LAMA5: variants seen among roughly 807,000 people sequenced by gnomAD.
The protein encoded by LAMA5 is laminin subunit alpha-5.
A neutral mutation model predicts 433.4 loss-of-function variants in LAMA5; 260 were observed. That is an observed-to-expected ratio of 0.60 (90% CI 0.54 to 0.66). The LOEUF (loss-of-function observed/expected upper bound fraction) is 0.66, where lower values mean the gene tolerates loss of function less well. Among genes scored for constraint, LAMA5 ranks in the 30% least tolerant of loss-of-function variants. The probability of loss-of-function intolerance (pLI) is 0.00; values close to 1 mark genes in which losing one functional copy is unlikely to be tolerated. For synonymous variants in LAMA5, 2,620 were observed against 2,226.6 expected, an observed-to-expected ratio of 1.18 and a Z score of -4.97; for missense variants, 5,378 against 5,258.5, an observed-to-expected ratio of 1.02 and a Z score of -0.70.
intron 48 of LAMA5, among the ~76,000 whole-genome samples, chr20:62,321,716 AGGGG>A (rs1987818797): frequency 3.6e-5 from 1 of 27,804 alleles, no homozygotes; most frequent in Non-Finnish European, 6.7e-5. Flanking sequence ...GGGCCAGCAG[AGGGG>A]TGGGGTCAGT....
At chr20:62,320,493 A>G in intron 50 of LAMA5, 66 bp downstream of exon 50, 1 of 1,242,300 alleles carries the variant, frequency 8.0e-7, no homozygotes, top group Non-Finnish European at 1.1e-6. Context: ...CTGAATGAGG[A>G]CAAGCGAACC....
At position 62,351,778 on chromosome 20, in the gene LAMA5, G is replaced by A; in HGVS notation, c.882C>T (p.Ile294=). ...GGCAGACACAGCGGCCTCCGATGCTGATATCCTTGATGCTGTAATAATACT... is the reference window on the plus strand; with the variant it reads ...GGCAGACACAGCGGCCTCCGATGCTAATATCCTTGATGCTGTAATAATACT... ...TRRYYYSIKD[I]SIGGRCVCHG... Residue 294 remains isoleucine (I), a synonymous_variant, in exon 6 of 80, where the codon ATC becomes ATT. Transcript: ENST00000252999. 6.2e-7 allele frequency: 1 copy of A among 1,610,010 alleles called. No homozygotes were observed. Among genetic ancestry groups the A allele is most frequent in the Non-Finnish European group, 8.5e-7 (1 of 1,179,256 alleles).
At chr20:62,348,619 A>C (rs1601399806) in intron 6 of LAMA5, among the ~76,000 whole-genome samples, 1 of 152,136 alleles carries the variant, frequency 6.6e-6, no homozygotes, top group South Asian at 2.1e-4. Context: ...AAAAGAATAA[A>C]ATAAAATAAA....
chr20:62,327,828 G>A (rs200570637), intron 36 of LAMA5, 38 bp downstream of exon 36: 25 of 1,585,906 alleles, frequency 1.6e-5, no homozygotes, highest in Non-Finnish European at 2.1e-5. Flanking sequence ...TGATGAGGCC[G>A]GAGGGAGAGG....
Position 62,314,413 on chromosome 20 carries a change from G to A in LAMA5, c.8395C>T (p.Leu2799=), listed in dbSNP as rs1160564158. 4 of 1,613,490 alleles carry A rather than the reference G, an allele frequency of 2.5e-6. No homozygotes were observed. The highest frequency in any genetic ancestry group is 3.4e-6 in the Non-Finnish European group (4 of 1,179,938). ...ACCCAGTGCACCTTCTTGTCACGCA[G>A]AGACACACCCATGTAGTCCCCAGTG... is the stretch of plus-strand genomic sequence containing the variant. The part of the protein sequence containing the change: ...QATGDYMGVS[L]RDKKVHWVYQ... Residue 2799 remains leucine, a synonymous_variant, in exon 62 of 80, where the codon CTG becomes TTG. Transcript: ENST00000252999.
At position 62,328,229 on chromosome 20, in the gene LAMA5, C is replaced by G; in HGVS notation, c.4652+12G>C. 1.3e-6 allele frequency: 2 copies of G among 1,593,624 alleles called. No homozygotes were observed. The highest frequency in any genetic ancestry group is 1.7e-6 in the Non-Finnish European group (2 of 1,169,744). ...CACCAGGGGCCGCGCTGACGCCGCT[C>G]TGGGCTCTCACTTGCACTGGCCGCT... On this transcript the variant is annotated intron_variant, in intron 35 of 79. Transcript: ENST00000252999.
At chr20:62,340,777 G>A (rs1420202099) in intron 11 of LAMA5, among the ~76,000 whole-genome samples, 3 of 151,952 alleles carry the variant, frequency 2.0e-5, no homozygotes, top group Non-Finnish European at 4.4e-5. Context: ...GCTCATGCCT[G>A]TAATCCTAGC....
At chr20:62,323,723 A>G in intron 44 of LAMA5, 53 bp from the exon 45 acceptor site, 1 of 1,595,988 alleles carries the variant, frequency 6.3e-7, no homozygotes, top group South Asian at 1.1e-5. Flanking sequence ...CCACCCTCGC[A>G]TATCCTGGGG....
chr20:62,309,697 T>C lies in LAMA5; in HGVS notation c.10948+19A>G. 6.7e-7 allele frequency: 1 copy of C among 1,485,090 alleles called. No homozygotes were observed. The highest frequency in any genetic ancestry group is 9.0e-7 in the Non-Finnish European group (1 of 1,112,822). 92.0% of individuals were successfully genotyped at this position (1,485,090 alleles called of 1,614,324 possible). A position where few individuals can be genotyped will look rare whatever the true frequency, so the allele number is the denominator to read the frequency against. ...TCCTGAGGGGCAGCTCCCCCACCCT[T>C]GATCAAGGCCGCACTCACCAGGCAG... is the stretch of plus-strand genomic sequence containing the variant. On this transcript the variant is annotated intron_variant, in intron 79 of 79. Coordinates refer to ENST00000252999, the MANE Select transcript of LAMA5 (RefSeq NM_005560.6).
intron 48 of LAMA5, 136 bp from the exon 49 acceptor site, chr20:62,321,026 G>T: frequency 1.1e-6 from 1 of 929,478 alleles, no homozygotes; most frequent in Non-Finnish European, 1.6e-6. Context: ...CACAGGACCT[G>T]TGGGGAGGTC....
At chr20:62,365,383 G>A (rs961960214) in intron 1 of LAMA5, among the ~76,000 whole-genome samples, 2 of 152,236 alleles carry the variant, frequency 1.3e-5, no homozygotes, top group Non-Finnish European at 2.9e-5. Flanking sequence ...CTGAGGCAGA[G>A]GAGAGGGGCG....
At chr20:62,335,327 C>T (rs989683805) in intron 18 of LAMA5, 58 bp from the exon 19 acceptor site, 83 of 1,580,572 alleles carry the variant, frequency 5.3e-5, no homozygotes, top group Non-Finnish European at 6.5e-5. Context: ...CTGGCTCCAG[C>T]CCCCCGAGGA....
chr20:62,310,811 T>C lies in LAMA5; in HGVS notation c.10300A>G (p.Lys3434Glu). Reference protein sequence around the residue: ...RWHKVSVRWEKNRILLVTDGA... With the variant: ...RWHKVSVRWEENRILLVTDGA... Reference sequence around the variant, plus strand: ...TCCGTCACCAGCAGGATCCGGTTCTTCTCCCAGCGCACGGAGACCTGGGGG... The same window carrying C: ...TCCGTCACCAGCAGGATCCGGTTCTCCTCCCAGCGCACGGAGACCTGGGGG... Residue 3434 changes from lysine (K) to glutamate (E), a missense_variant, in exon 75 of 80, where the codon AAG (lysine) becomes GAG (glutamate). Physicochemically the swap from Lys to Glu is moderately conservative, Grantham distance 56 (BLOSUM62 1). Coordinates refer to ENST00000252999, the MANE Select transcript of LAMA5 (RefSeq NM_005560.6). The C allele has an allele frequency of 6.4e-7, 1 of 1,555,876 alleles. No individual in the cohort carries two copies. Among genetic ancestry groups the C allele is most frequent in the Non-Finnish European group, 8.7e-7 (1 of 1,150,294 alleles).
rs11696243 is a variant in LAMA5, at chr20:62,323,598, G to C, written c.5922C>G (p.Asn1974Lys). The change falls in exon 45 of 80, where the codon AAC (asparagine) becomes AAG (lysine). Residue 1974 changes from asparagine (N) to lysine (K), a missense_variant. Coordinates refer to ENST00000252999, the MANE Select transcript of LAMA5 (RefSeq NM_005560.6). ...SSCQPCDCSG[N>K]GDPNLLFSDC... ...CGCTGAAGAGCAAGTTGGGGTCACC[G>C]TTGCCGCTGCAGTCGCATGGCTGGC... 13 of 1,610,768 alleles carry C rather than the reference G, an allele frequency of 8.1e-6. No individual in the cohort carries two copies. The highest frequency in any genetic ancestry group is 1.3e-5 in the African/African-American group (1 of 74,900).
chr20:62,322,803 C>A (rs781527393), intron 45 of LAMA5, 45 bp from the exon 46 acceptor site: 167 of 1,280,000 alleles, frequency 1.3e-4, no homozygotes, highest in Non-Finnish European at 1.6e-4. Context: ...CTCTCACCCC[C>A]CCAGGGAGCC....
chr20:62,318,762 C>T, intron 52 of LAMA5, 81 bp downstream of exon 52: 2 of 1,571,696 alleles, frequency 1.3e-6, no homozygotes, highest in Admixed American at 1.8e-5. Context: ...CCACCTGATG[C>T]CACTCCATGC....
chr20:62,357,778 G>T (rs1307984698), intron 2 of LAMA5, among the ~76,000 whole-genome samples: 2 of 152,212 alleles, frequency 1.3e-5, no homozygotes, highest in South Asian at 2.1e-4. Context: ...TGGGCGGGGG[G>T]ACAGGAGCTC....
In LAMA5 at chr20:62,336,772, G is replaced by A. The variant is rs1415355275; in HGVS notation, c.2179C>T (p.Pro727Ser). ...FPYCEAGSCH[P>S]AGLAPVDPAL... ...GGATCCACTGGGGCCAGACCGGCAG[G>A]GTGGCAAGAGCCAGCTGTGAAGAGA... Residue 727 changes from proline (P) to serine (S), a missense_variant, in exon 17 of 80, where the codon CCT (proline) becomes TCT (serine). Transcript: ENST00000252999. The A allele has an allele frequency of 6.2e-7, 1 of 1,612,860 alleles. No homozygotes were observed. The highest frequency in any genetic ancestry group is 1.7e-5 in the Admixed American group (1 of 60,022).
In LAMA5 at chr20:62,312,993, C is replaced by A; in HGVS notation, c.8973G>T (p.Leu2991Phe). 1 of 1,582,022 alleles carries A rather than the reference C, an allele frequency of 6.3e-7. No homozygotes were observed. The highest frequency in any genetic ancestry group is 8.6e-7 in the Non-Finnish European group (1 of 1,161,976). ...GCACGAGGCTGCCTTCTTGCACGGC[C>A]AAGCACAGGAACTGGCTCTGCAGAA... ...FLKQQSQFLC[L>F]AVQEGSLVLL... The change falls in exon 66 of 80, where the codon TTG becomes TTT. Residue 2991 changes from leucine to phenylalanine, a missense_variant. Physicochemically the swap from Leu to Phe is conservative, Grantham distance 22. Transcript: ENST00000252999.
Sources: allele counts gnomAD v4.1 joint callset (sites outside exome capture counted in the v4.1 genomes callset), GRCh38; gene constraint gnomAD v4.1.1; transcripts MANE v1.5; gene names NCBI Gene and HGNC (gene_info 2026-07-23, HGNC 2026-07-21).